Variants in CNTNAP2 observed in about 807,000 individuals in gnomAD.
CNTNAP2 encodes contactin-associated protein-like 2.
In CNTNAP2, 98 loss-of-function variants were observed where a neutral mutation model predicts 155.2. That is an observed-to-expected ratio of 0.63 (90% confidence interval 0.54 to 0.75). The LOEUF (loss-of-function observed/expected upper bound fraction) is 0.75. Ranked by LOEUF, CNTNAP2 falls within the 30% of genes least tolerant of loss-of-function variation. The pLI is 0.00. For synonymous variants in CNTNAP2, 651 were observed against 631.2 expected (o/e 1.03, Z -0.47); for missense variants, 1,727 against 1,688.1 (o/e 1.02, Z -0.40).
intron 3 of CNTNAP2, among the ~76,000 whole-genome samples, chr7:146,974,473 A>T (rs1382740892): frequency 6.6e-6 from 1 of 152,092 alleles, no homozygotes; most frequent in Non-Finnish European, 1.5e-5. Context: ...TAAAAAATAA[A>T]GTCAGTTACT....
chr7:147,661,990 C>T (rs971953650), intron 13 of CNTNAP2, among the ~76,000 whole-genome samples: 1 of 152,176 alleles, frequency 6.6e-6, no homozygotes, highest in African/African-American at 2.4e-5. Flanking sequence ...CCAAGGACCT[C>T]TCCTTAAGTA....
intron 22 of CNTNAP2, among the ~76,000 whole-genome samples, chr7:148,390,688 C>T (rs889156087): frequency 3.3e-5 from 5 of 152,190 alleles, no homozygotes; most frequent in African/African-American, 1.2e-4. Flanking sequence ...TGTCTTTCTA[C>T]TGTCTGAGAT....
intron 13 of CNTNAP2, among the ~76,000 whole-genome samples, chr7:147,871,637 A>G: frequency 7.4e-6 from 1 of 135,130 alleles, no homozygotes; most frequent in Non-Finnish European, 1.6e-5. Context: ...TTCTTTATCC[A>G]CCCATTCTTC....
At chr7:148,097,416 C>G (rs1425262359) in intron 15 of CNTNAP2, among the ~76,000 whole-genome samples, 1 of 142,094 alleles carries the variant, frequency 7.0e-6, no homozygotes, top group African/African-American at 2.6e-5. Context: ...CAAGATAAAT[C>G]AGGGACTTTG....
chr7:148,241,885 A>G (rs1229055634), intron 20 of CNTNAP2, among the ~76,000 whole-genome samples: 1 of 152,208 alleles, frequency 6.6e-6, no homozygotes, highest in Non-Finnish European at 1.5e-5. Context: ...CCTACACTCC[A>G]GAAAAATGTG....
chr7:148,396,626 A>G (rs1386330608), intron 22 of CNTNAP2, among the ~76,000 whole-genome samples: 1 of 152,178 alleles, frequency 6.6e-6, no homozygotes, highest in East Asian at 1.9e-4. Context: ...TGAGGTTTTT[A>G]ACACATCACC....
intron 8 of CNTNAP2, among the ~76,000 whole-genome samples, chr7:147,226,379 T>G (rs553197186): frequency 6.6e-6 from 1 of 152,234 alleles, no homozygotes; most frequent in South Asian, 2.1e-4. Flanking sequence ...AATAAGTTAT[T>G]AGAGAACATG....
chr7:147,912,520 G>A (rs773870217), intron 14 of CNTNAP2, among the ~76,000 whole-genome samples: 21 of 152,162 alleles, frequency 1.4e-4, no homozygotes, highest in Non-Finnish European at 2.2e-4. Flanking sequence ...CAGTGGAAAC[G>A]AAGCTATGGC....
intron 4 of CNTNAP2, among the ~76,000 whole-genome samples, chr7:147,087,771 T>C (rs1800311109): frequency 6.6e-6 from 1 of 151,744 alleles, no homozygotes; most frequent in Admixed American, 6.6e-5. Context: ...GAGGTCAGAG[T>C]TTGAAACCAG....
Position 146,314,395 on chromosome 7 carries a change from C to A in CNTNAP2, c.97+197422C>A, listed in dbSNP as rs530514958. 1.6e-4 allele frequency among the ~76,000 whole-genome samples: 24 copies of A among 152,136 alleles called. No individual in the cohort carries two copies. In the East Asian group the frequency reaches 4.3e-3, roughly 27 times the overall value. On this transcript the variant is annotated intron_variant, in intron 1 of 23. Coordinates refer to ENST00000361727, the MANE Select transcript of CNTNAP2 (RefSeq NM_014141.6). ...TCCCTAGGAATGTGGCTGGAGAGGT[C>A]GGGGTGTTAGATGCGTGTTCCAGTT...
intron 10 of CNTNAP2, among the ~76,000 whole-genome samples, chr7:147,479,755 G>C (rs1055542935): frequency 4.6e-5 from 7 of 151,428 alleles, no homozygotes; most frequent in East Asian, 3.9e-4. Flanking sequence ...TGAAAAGTTT[G>C]GGCATAATGT....
intron 13 of CNTNAP2, among the ~76,000 whole-genome samples, chr7:147,800,047 T>C (rs531965071): frequency 2.0e-5 from 3 of 152,176 alleles, no homozygotes; most frequent in Non-Finnish European, 2.9e-5. Flanking sequence ...AATAAATATA[T>C]AGTATGTGTC....
At chr7:148,289,539 G>T (rs992490292) in intron 21 of CNTNAP2, among the ~76,000 whole-genome samples, 6 of 150,808 alleles carry the variant, frequency 4.0e-5, no homozygotes, top group Non-Finnish European at 8.8e-5. Flanking sequence ...CTGTGTCCAA[G>T]AAGCAAAATG....
intron 4 of CNTNAP2, among the ~76,000 whole-genome samples, chr7:147,067,289 C>CA (rs36080849): frequency 0.024 from 1,639 of 67,608 alleles, 43 homozygotes; most frequent in African/African-American, 0.078. Context: ...GACTCCGTCT[C>CA]AAAAAAAAAA....
intron 3 of CNTNAP2, among the ~76,000 whole-genome samples, chr7:147,039,398 C>T (rs6963399): frequency 0.49 from 74,283 of 151,926 alleles, 18,464 homozygotes; most frequent in South Asian, 0.56. Context: ...CCAGTGTCTG[C>T]TGTTTCCTTC....
chr7:146,346,207 G>C (rs1321619135), intron 1 of CNTNAP2, among the ~76,000 whole-genome samples: 1 of 152,206 alleles, frequency 6.6e-6, no homozygotes, highest in Non-Finnish European at 1.5e-5. Flanking sequence ...AGGCTGCACA[G>C]CAGGAGGTGA....
At chr7:148,212,661 A>G (rs1795570220) in intron 18 of CNTNAP2, among the ~76,000 whole-genome samples, 1 of 152,198 alleles carries the variant, frequency 6.6e-6, no homozygotes, top group Non-Finnish European at 1.5e-5. Context: ...TGGGCTTGTT[A>G]ATTTAGAGTT....
chr7:148,305,974 A>T (rs568813445), intron 21 of CNTNAP2, among the ~76,000 whole-genome samples: 1 of 152,210 alleles, frequency 6.6e-6, no homozygotes, highest in South Asian at 2.1e-4. Flanking sequence ...TCCCTTTTTT[A>T]AAAATGGAGC....
chr7:147,078,516 C>T (rs934684975), intron 4 of CNTNAP2, among the ~76,000 whole-genome samples: 1 of 152,020 alleles, frequency 6.6e-6, no homozygotes, highest in Non-Finnish European at 1.5e-5. Context: ...CTGTTGAAAG[C>T]ACAGATTTTT....
Sources: gnomAD v4.1 joint callset for allele counts (sites outside exome capture counted in the v4.1 genomes callset) on GRCh38, gnomAD v4.1.1 for gene constraint, MANE v1.5 for transcripts, NCBI Gene and HGNC (gene_info 2026-07-23, HGNC 2026-07-21) for gene names.